PTPRT: variants seen among roughly 807,000 people sequenced by gnomAD.
PTPRT encodes receptor-type tyrosine-protein phosphatase T.
A neutral mutation model predicts 176.8 loss-of-function variants in PTPRT; 56 were observed. The ratio of observed to expected loss-of-function variants is 0.32; its 90% confidence interval spans 0.26 to 0.40. PTPRT has a LOEUF of 0.40. PTPRT is among the 10% of genes least tolerant of loss of function. The pLI is 1.00. For missense variants in PTPRT, 1,540 were observed against 1,908.2 expected (o/e 0.81, Z 3.60); for synonymous variants, 783 against 739.0 (o/e 1.06, Z -0.96).
At chr20:43,082,809 T>C (rs2011476432) in intron 1 of PTPRT, among the ~76,000 whole-genome samples, 1 of 152,198 alleles carries the variant, frequency 6.6e-6, no homozygotes, top group Middle Eastern at 3.4e-3. Context: ...AGTTCCTCTC[T>C]CAGGAAACAA....
intron 5 of PTPRT, among the ~76,000 whole-genome samples, chr20:42,762,799 C>T (rs532520409): frequency 6.6e-6 from 1 of 152,346 alleles, no homozygotes; most frequent in East Asian, 1.9e-4. Context: ...ACAGCCTAAT[C>T]GGTGGTTCTG....
At chr20:42,303,025 C>T (rs941879836) in intron 12 of PTPRT, among the ~76,000 whole-genome samples, 3 of 152,180 alleles carry the variant, frequency 2.0e-5, no homozygotes, top group Non-Finnish European at 1.5e-5. Context: ...CAAACTATCC[C>T]CTAATTGAGA....
chr20:42,106,685 T>C lies in PTPRT; in HGVS notation c.3390+101A>G. 2.1e-6 allele frequency: 3 copies of C among 1,453,410 alleles called. No homozygotes were observed. The Admixed American group carries it at 5.7e-5, about 28-fold the overall frequency. The allele number at this position is 1,453,410 out of a possible 1,614,324, so 90.0% of individuals were successfully genotyped here. A position where few individuals can be genotyped will look rare whatever the true frequency, so the allele number is the denominator to read the frequency against. The stretch of plus-strand genomic sequence containing the variant: ...CTGCTTCTCTCACACCCAGGTCCTT[T>C]CCATAGGATGCCCCTACCTATGTGT... On this transcript the variant is annotated intron_variant, in intron 24 of 30. Transcript: ENST00000373187.
At chr20:42,793,000 T>C (rs1274365156) in intron 2 of PTPRT, among the ~76,000 whole-genome samples, 5 of 152,202 alleles carry the variant, frequency 3.3e-5, no homozygotes, top group African/African-American at 7.2e-5. Flanking sequence ...TGAACCACCA[T>C]GCAGAGCAGG....
chr20:43,104,771 T>C (rs6016956), intron 1 of PTPRT, among the ~76,000 whole-genome samples: 29,317 of 152,086 alleles, frequency 0.19, 3,549 homozygotes, highest in African/African-American at 0.34. Context: ...AGCAGACTCT[T>C]CGCAGAATTC....
At chr20:42,379,346 T>C (rs550700175) in intron 9 of PTPRT, among the ~76,000 whole-genome samples, 1 of 152,362 alleles carries the variant, frequency 6.6e-6, no homozygotes, top group Admixed American at 6.5e-5. Flanking sequence ...TTCATTTCCC[T>C]GCAGCAATAG....
At chr20:42,685,932 C>T (rs1243776406) in intron 6 of PTPRT, 1 of 152,114 alleles carries the variant, frequency 6.6e-6, no homozygotes, top group Non-Finnish European at 1.5e-5. Context: ...AATCTCCCCT[C>T]CTATCTGCCC....
chr20:42,872,469 G>A (rs1174054760), intron 2 of PTPRT, among the ~76,000 whole-genome samples: 1 of 152,234 alleles, frequency 6.6e-6, no homozygotes, highest in South Asian at 2.1e-4. Context: ...GGGATAGATT[G>A]TACGTCAGGT....
intron 9 of PTPRT, among the ~76,000 whole-genome samples, chr20:42,356,049 C>T (rs925327972): frequency 1.6e-4 from 25 of 152,154 alleles, no homozygotes; most frequent in African/African-American, 6.0e-4. Context: ...CTAATTCCCA[C>T]TGCTTTGTCA....
At chr20:42,747,192 C>T (rs1020119603) in intron 6 of PTPRT, among the ~76,000 whole-genome samples, 1 of 152,140 alleles carries the variant, frequency 6.6e-6, no homozygotes. Flanking sequence ...AGAACTTTCT[C>T]AGAGGTAGAA....
At chr20:42,593,512 G>A (rs1486913754) in intron 7 of PTPRT, among the ~76,000 whole-genome samples, 6 of 152,188 alleles carry the variant, frequency 3.9e-5, no homozygotes, top group African/African-American at 1.4e-4. Context: ...CATTTAGACT[G>A]AGCTGGCGAG....
At chr20:42,764,244 T>C (rs886629841) in intron 5 of PTPRT, among the ~76,000 whole-genome samples, 1 of 152,144 alleles carries the variant, frequency 6.6e-6, no homozygotes, top group African/African-American at 2.4e-5. Context: ...CAAGGGCCAC[T>C]CCTTGGAAGA....
At position 42,457,159 on chromosome 20, in the gene PTPRT, G is replaced by A. The variant is rs187634636; in HGVS notation, c.1451-8830C>T. 2.2e-3 allele frequency among the ~76,000 whole-genome samples: 341 copies of A among 152,184 alleles called. 1 individual carries two copies. Among genetic ancestry groups the A allele is most frequent in the African/African-American group, 7.6e-3 (314 of 41,550 alleles). ...ATCATCTCATTAATTTTTCAGTACTGAACTTCATACTGTGACCTTGCTTTT... is the reference window on the plus strand; with the variant it reads ...ATCATCTCATTAATTTTTCAGTACTAAACTTCATACTGTGACCTTGCTTTT... On this transcript the variant is annotated intron_variant, in intron 8 of 30. Coordinates refer to ENST00000373187, the MANE Select transcript of PTPRT (RefSeq NM_007050.6).
At chr20:42,859,757 T>G (rs1446279345) in intron 2 of PTPRT, among the ~76,000 whole-genome samples, 2 of 151,340 alleles carry the variant, frequency 1.3e-5, no homozygotes, top group Non-Finnish European at 2.9e-5. Context: ...CTAATTTTTT[T>G]TTTTTTGTAT....
intron 7 of PTPRT, among the ~76,000 whole-genome samples, chr20:42,623,004 C>T (rs11086846): frequency 0.21 from 31,535 of 152,036 alleles, 4,540 homozygotes; most frequent in African/African-American, 0.41. Flanking sequence ...AATGCACGGA[C>T]GAATGGCAAA....
Position 42,098,598 on chromosome 20 carries a change from T to C in PTPRT, c.3715-46A>G, listed in dbSNP as rs6029970. 6,978 of 1,609,184 alleles carry C rather than the reference T, an allele frequency of 4.3e-3. 263 individuals are homozygous for C. In the African/African-American group the frequency reaches 0.081, roughly 19 times the overall value. On this transcript the variant is annotated intron_variant, in intron 26 of 30. Transcript: ENST00000373187. ...GCTTCGTAAATTACACATCCATCAG[T>C]GATATTCTGATGATGATGAGGCCTG...
chr20:42,218,778 T>TAA (rs1251367545), intron 15 of PTPRT, among the ~76,000 whole-genome samples: 1 of 152,208 alleles, frequency 6.6e-6, no homozygotes, highest in African/African-American at 2.4e-5. Flanking sequence ...GCATTATGCA[T>TAA]CAAGAGTGGC....
At chr20:42,521,395 C>A (rs972928709) in intron 7 of PTPRT, among the ~76,000 whole-genome samples, 1 of 152,084 alleles carries the variant, frequency 6.6e-6, no homozygotes, top group African/African-American at 2.4e-5. Context: ...TGTTGTACAC[C>A]TAACAGTCTC....
chr20:42,760,579 T>C (rs2076901600), intron 5 of PTPRT, among the ~76,000 whole-genome samples: 1 of 152,116 alleles, frequency 6.6e-6, no homozygotes, highest in East Asian at 1.9e-4. Context: ...TATCTGAGCG[T>C]TTATCAAGTA....
Sources: gnomAD v4.1 joint callset for allele counts (sites outside exome capture counted in the v4.1 genomes callset) on GRCh38, gnomAD v4.1.1 for gene constraint, MANE v1.5 for transcripts, NCBI Gene and HGNC (gene_info 2026-07-23, HGNC 2026-07-21) for gene names.